TMEM135: variants seen among roughly 807,000 people sequenced by gnomAD.
The protein encoded by TMEM135 is peroxisomal membrane protein 52.
In TMEM135, 30 loss-of-function variants were observed where a neutral mutation model predicts 60.3. The ratio of observed to expected loss-of-function variants is 0.50; its 90% confidence interval spans 0.37 to 0.68. The LOEUF is 0.68. Ranked by LOEUF, TMEM135 falls within the 30% of genes least tolerant of loss-of-function variation. TMEM135 has a pLI of 0.00. For synonymous variants in TMEM135, 190 were observed against 186.7 expected (o/e 1.02, Z -0.14); for missense variants, 468 against 548.8 (o/e 0.85, Z 1.47).
At chr11:87,248,063 G>T (rs1354898236) in intron 6 of TMEM135, among the ~76,000 whole-genome samples, 1 of 150,994 alleles carries the variant, frequency 6.6e-6, no homozygotes, top group Non-Finnish European at 1.5e-5. Flanking sequence ...GCATTCCATC[G>T]TGAGTGTGTA....
intron 6 of TMEM135, chr11:87,259,130 C>G: frequency 1.4e-6 from 1 of 719,050 alleles, no homozygotes; most frequent in Admixed American, 1.9e-5. Context: ...CCATCAGGCC[C>G]CATAGTCTCT....
intron 3 of TMEM135, among the ~76,000 whole-genome samples, chr11:87,079,945 G>A (rs570236172): frequency 8.7e-5 from 13 of 149,058 alleles, no homozygotes; most frequent in Non-Finnish European, 1.8e-4. Context: ...GGGTTCAAGC[G>A]ATTCTCCTGC....
intron 13 of TMEM135, among the ~76,000 whole-genome samples, chr11:87,318,911 C>T (rs1170722914): frequency 6.8e-6 from 1 of 147,692 alleles, no homozygotes; most frequent in Non-Finnish European, 1.5e-5. Flanking sequence ...TGCTCTTGTC[C>T]AGGCTGGAGT....
intron 6 of TMEM135, chr11:87,259,032 C>G (rs1941589060): frequency 6.7e-7 from 1 of 1,483,430 alleles, no homozygotes; most frequent in African/African-American, 1.4e-5. Flanking sequence ...ACACGGCTGC[C>G]CTGGGAAACC....
At position 87,327,024 on chromosome 11, in the gene TMEM135, G is replaced by A. The variant is rs1250664344; in HGVS notation, c.*5691G>A. Reference sequence around the variant, plus strand: ...ACTAGTGGCAGTTTTTCCTTGCTGAGGGAACACTGATGTTGTTTAAGACAG... The same window carrying A: ...ACTAGTGGCAGTTTTTCCTTGCTGAAGGAACACTGATGTTGTTTAAGACAG... On this transcript the variant is annotated 3_prime_UTR_variant, in exon 15 of 15. Transcript: ENST00000305494. 4.4e-6 allele frequency: 2 copies of A among 453,636 alleles called. No homozygotes were observed. The highest frequency in any genetic ancestry group is 4.7e-5 in the Admixed American group (2 of 42,498). 28.1% of individuals were successfully genotyped at this position (453,636 alleles called of 1,614,324 possible).
At chr11:87,233,876 C>T (rs908144423) in intron 5 of TMEM135, among the ~76,000 whole-genome samples, 2 of 151,934 alleles carry the variant, frequency 1.3e-5, no homozygotes, top group African/African-American at 2.4e-5. Flanking sequence ...TATCTCAGCT[C>T]TAAAATTCTG....
chr11:87,287,736 T>C (rs1031996567), intron 6 of TMEM135, among the ~76,000 whole-genome samples: 1 of 152,224 alleles, frequency 6.6e-6, no homozygotes. Flanking sequence ...ATCATTATAG[T>C]TACCTAATTA....
intron 4 of TMEM135, among the ~76,000 whole-genome samples, chr11:87,097,141 C>T (rs914742116): frequency 1.3e-5 from 2 of 152,146 alleles, no homozygotes; most frequent in African/African-American, 2.4e-5. Context: ...GGATTACAGG[C>T]GCACACTGCC....
chr11:87,063,033 A>G (rs1167338196), intron 1 of TMEM135, among the ~76,000 whole-genome samples: 2 of 152,188 alleles, frequency 1.3e-5, no homozygotes, highest in Non-Finnish European at 1.5e-5. Flanking sequence ...CCTTGCCCCA[A>G]TATTATAAAT....
intron 4 of TMEM135, among the ~76,000 whole-genome samples, chr11:87,156,985 G>C (rs528799706): frequency 6.6e-6 from 1 of 152,002 alleles, no homozygotes. Context: ...TGATATTTCT[G>C]GGGTACAATT....
At chr11:87,100,295 T>G (rs2513207) in intron 4 of TMEM135, among the ~76,000 whole-genome samples, 83,261 of 152,006 alleles carry the variant, frequency 0.55, 23,626 homozygotes, top group East Asian at 0.71. Flanking sequence ...TACTAATAAT[T>G]ACCTGATACA....
intron 4 of TMEM135, among the ~76,000 whole-genome samples, chr11:87,126,589 CT>C (rs1937736825): frequency 8.1e-6 from 1 of 123,878 alleles, no homozygotes; most frequent in African/African-American, 2.9e-5. Context: ...TTTTGCTTTG[CT>C]TTTTAAAATA....
intron 5 of TMEM135, among the ~76,000 whole-genome samples, chr11:87,190,053 CT>C (rs1565480138): frequency 6.6e-6 from 1 of 152,092 alleles, no homozygotes; most frequent in Non-Finnish European, 1.5e-5. Flanking sequence ...GAAAAAGGAA[CT>C]GCTTTATGAT....
intron 5 of TMEM135, among the ~76,000 whole-genome samples, chr11:87,173,783 C>A (rs604035): frequency 2.0e-5 from 3 of 151,778 alleles, no homozygotes; most frequent in Admixed American, 6.6e-5. Context: ...TATTTTGATC[C>A]ACAGCTATAC....
At chr11:87,054,621 G>T (rs899505654) in intron 1 of TMEM135, among the ~76,000 whole-genome samples, 5 of 152,092 alleles carry the variant, frequency 3.3e-5, no homozygotes, top group African/African-American at 1.2e-4. Context: ...TGACTCATTA[G>T]ATTTGTCAGG....
At chr11:87,093,839 T>G (rs952495940) in intron 4 of TMEM135, among the ~76,000 whole-genome samples, 4 of 152,176 alleles carry the variant, frequency 2.6e-5, no homozygotes, top group African/African-American at 7.2e-5. Flanking sequence ...GCCAATTTAC[T>G]TGTTTTTAAT....
intron 4 of TMEM135, among the ~76,000 whole-genome samples, chr11:87,156,489 G>T (rs1938699898): frequency 6.6e-6 from 1 of 152,072 alleles, no homozygotes; most frequent in Non-Finnish European, 1.5e-5. Context: ...CAAACCATGA[G>T]CACAGGATGT....
rs761401405 is a variant in TMEM135 at position 87,319,264 on chromosome 11, G to GT, written c.1177-42dup. 2.7e-6 allele frequency: 4 copies of GT among 1,475,716 alleles called. No individual in the cohort carries two copies. The Admixed American group carries it at 6.7e-5, about 25-fold the overall frequency. 91.4% of individuals were successfully genotyped at this position (1,475,716 alleles called of 1,614,324 possible). A position where few individuals can be genotyped will look rare whatever the true frequency, so the allele number is the denominator to read the frequency against. ...ACCTTTGTGTATTTCATCACTTTCA[G>GT]TTTTCATTTATATTTACTAAAAGAA... On this transcript the variant is annotated intron_variant, in intron 13 of 14. Coordinates refer to ENST00000305494, the MANE Select transcript of TMEM135 (RefSeq NM_022918.4).
chr11:87,145,885 T>G (rs1157929811), intron 4 of TMEM135, among the ~76,000 whole-genome samples: 1 of 152,230 alleles, frequency 6.6e-6, no homozygotes, highest in Non-Finnish European at 1.5e-5. Context: ...ATGGGTTGTC[T>G]CTCTACTCCG....
Sources: allele counts gnomAD v4.1 joint callset (sites outside exome capture counted in the v4.1 genomes callset), GRCh38; gene constraint gnomAD v4.1.1; transcripts MANE v1.5; gene names NCBI Gene and HGNC (gene_info 2026-07-23, HGNC 2026-07-21).